The following TPST2 variants were observed in gnomAD, a reference collection of about 807,000 sequenced individuals.
The protein encoded by TPST2 is protein-tyrosine sulfotransferase 2.
Under a neutral mutation model 27.8 loss-of-function variants are expected in TPST2, and 16 were observed. That is an observed-to-expected ratio of 0.58 (90% confidence interval 0.39 to 0.88). The LOEUF (loss-of-function observed/expected upper bound fraction) is 0.88, where lower values mean the gene tolerates loss of function less well. Ranked by LOEUF, TPST2 falls within the 40% of genes least tolerant of loss-of-function variation. TPST2 has a pLI of 0.00. For missense variants in TPST2, 464 were observed against 543.1 expected (o/e 0.85, Z 1.45); for synonymous variants, 229 against 231.7 (o/e 0.99, Z 0.10).
chr22:26,579,138 G>A (rs1223617856), intron 1 of TPST2, among the ~76,000 whole-genome samples: 1 of 152,200 alleles, frequency 6.6e-6, no homozygotes. Context: ...TTATGGGTGT[G>A]AGCCACTGTG....
chr22:26,541,293 C>T lies in TPST2; in HGVS notation c.338G>A (p.Trp113Ter). The T allele has an allele frequency of 6.5e-7, 1 of 1,541,450 alleles. No homozygotes were observed. Among genetic ancestry groups the T allele is most frequent in the Non-Finnish European group, 8.8e-7 (1 of 1,142,484 alleles). ...CAGCTTCTCACGGCCAGACTTGGAC[C>T]AGGCCTGGCGCATGGCCAGCACGCG... is the stretch of plus-strand genomic sequence containing the variant. ...IPRVLAMRQAWSKSGREKLRL... is the reference protein window; with the variant it reads ...IPRVLAMRQA The change falls in exon 3 of 7, where the codon TGG becomes TAG. Residue 113 changes from tryptophan to a stop codon, truncating the protein, a stop_gained. Coordinates refer to ENST00000338754, the MANE Select transcript of TPST2 (RefSeq NM_003595.5). LOFTEE classifies it high-confidence loss of function. The surrounding 1 kb of genome is among the most constrained non-coding windows in gnomAD (Gnocchi z 5.9).
intron 4 of TPST2, among the ~76,000 whole-genome samples, 158 bp from the exon 5 acceptor site, chr22:26,532,903 T>C (rs992416451): frequency 1.3e-5 from 2 of 152,216 alleles, no homozygotes; most frequent in Admixed American, 1.3e-4. Flanking sequence ...CTAGGCATTA[T>C]TCTAAGCATT....
At chr22:26,577,136 G>A (rs1462489498) in intron 1 of TPST2, among the ~76,000 whole-genome samples, 2 of 150,992 alleles carry the variant, frequency 1.3e-5, no homozygotes, top group Admixed American at 6.6e-5. Context: ...AGCCAAGCGT[G>A]GTGGTGCATA....
intron 1 of TPST2, among the ~76,000 whole-genome samples, chr22:26,582,705 G>A (rs1466333940): frequency 2.6e-5 from 4 of 152,176 alleles, no homozygotes; most frequent in Non-Finnish European, 2.9e-5. Flanking sequence ...ACGTCACTCA[G>A]TGGCTATCCG....
chr22:26,532,864 C>A, intron 4 of TPST2, 119 bp from the exon 5 acceptor site: 2 of 839,068 alleles, frequency 2.4e-6, no homozygotes. Flanking sequence ...TCCCTCCATC[C>A]AACAAACATT....
chr22:26,545,825 A>T (rs1253698736), intron 1 of TPST2, among the ~76,000 whole-genome samples: 4 of 152,224 alleles, frequency 2.6e-5, no homozygotes, highest in Non-Finnish European at 5.9e-5. Flanking sequence ...CACGCCTGTG[A>T]TCCCAGCACT....
At chr22:26,549,596 G>C (rs1926338881) in intron 1 of TPST2, among the ~76,000 whole-genome samples, 1 of 140,804 alleles carries the variant, frequency 7.1e-6, no homozygotes, top group African/African-American at 2.7e-5. Flanking sequence ...GGCAGAGGTT[G>C]CAGTGAGCCG....
chr22:26,588,932 T>C (rs960067992), intron 1 of TPST2, among the ~76,000 whole-genome samples: 1 of 151,858 alleles, frequency 6.6e-6, no homozygotes, highest in Non-Finnish European at 1.5e-5. Context: ...TGTTGGGAAG[T>C]GAGAAAAAGG....
At chr22:26,531,515 C>T (rs1457924636) in intron 5 of TPST2, among the ~76,000 whole-genome samples, 1 of 152,208 alleles carries the variant, frequency 6.6e-6, no homozygotes, top group Non-Finnish European at 1.5e-5. Flanking sequence ...GCCACACTCC[C>T]CACTTTCAGG....
At chr22:26,544,529 C>T in intron 2 of TPST2, 75 bp downstream of exon 2, 2 of 833,066 alleles carry the variant, frequency 2.4e-6, no homozygotes, top group Non-Finnish European at 2.9e-6. Flanking sequence ...AGGCTGGGGG[C>T]ATGGAGGGGA....
rs199612116 is a variant in TPST2 at position 26,536,431 on chromosome 22, T to G, written c.898A>C (p.Lys300Gln). ...IKPVNLEALS[K>Q]WTGHIPGDVV... ...TCCCCAGGGATGTGGCCAGTCCACT[T>G]GGAGAGCGCTTCCAGGTTAACAGGC... The change falls in exon 4 of 7, where the codon AAG (lysine) becomes CAG (glutamine). Residue 300 changes from lysine to glutamine, a missense_variant. By Grantham distance (53) the Lys-to-Gln change is moderately conservative. Coordinates refer to ENST00000338754, the MANE Select transcript of TPST2 (RefSeq NM_003595.5). The G allele has an allele frequency of 2.1e-4, 329 of 1,567,150 alleles. No individual in the cohort carries two copies. Among genetic ancestry groups the G allele is most frequent in the Non-Finnish European group, 2.7e-4 (312 of 1,155,196 alleles).
At chr22:26,579,378 C>T (rs1927995598) in intron 1 of TPST2, among the ~76,000 whole-genome samples, 1 of 152,232 alleles carries the variant, frequency 6.6e-6, no homozygotes, top group South Asian at 2.1e-4. Flanking sequence ...CATCTGCCGT[C>T]CTGCTGCTAG....
At chr22:26,526,936 G>A (rs1924876613) in intron 6 of TPST2, among the ~76,000 whole-genome samples, 2 of 152,196 alleles carry the variant, frequency 1.3e-5, no homozygotes, top group South Asian at 4.1e-4. Context: ...AAATTAGCTG[G>A]GTGTGGTAGC....
intron 2 of TPST2, among the ~76,000 whole-genome samples, chr22:26,542,484 A>G (rs1925919483): frequency 6.6e-6 from 1 of 152,172 alleles, no homozygotes; most frequent in Non-Finnish European, 1.5e-5. Context: ...GCCCAAGAAT[A>G]TTAGTGATTT....
chr22:26,585,932 A>T (rs950550269), intron 1 of TPST2, among the ~76,000 whole-genome samples: 1 of 152,016 alleles, frequency 6.6e-6, no homozygotes, highest in Non-Finnish European at 1.5e-5. Flanking sequence ...AGTTCCAGCT[A>T]CTCGGGAGGC....
chr22:26,551,727 A>G (rs1235703431), intron 1 of TPST2, among the ~76,000 whole-genome samples: 1 of 152,066 alleles, frequency 6.6e-6, no homozygotes, highest in South Asian at 2.1e-4. Context: ...TCCTGGGTCA[A>G]TCTTGGGCAG....
At chr22:26,583,930 C>T (rs547308784) in intron 1 of TPST2, among the ~76,000 whole-genome samples, 2 of 152,336 alleles carry the variant, frequency 1.3e-5, no homozygotes, top group African/African-American at 4.8e-5. Flanking sequence ...CCTGAAAAGC[C>T]GCACTTACGT....
chr22:26,527,426 C>T (rs940051852), intron 6 of TPST2, among the ~76,000 whole-genome samples: 3 of 152,134 alleles, frequency 2.0e-5, no homozygotes, highest in African/African-American at 7.2e-5. Flanking sequence ...TCATGGCCAA[C>T]CTCAGAGGTG....
intron 1 of TPST2, among the ~76,000 whole-genome samples, chr22:26,558,586 C>T (rs1331019018): frequency 6.6e-6 from 1 of 152,198 alleles, no homozygotes; most frequent in African/African-American, 2.4e-5. Flanking sequence ...ACTGGCTGGA[C>T]AGACAAATCA....
Sources: gnomAD v4.1 joint callset for allele counts (sites outside exome capture counted in the v4.1 genomes callset) on GRCh38, gnomAD v4.1.1 for gene constraint, Gnocchi (gnomAD v3.1) non-coding constraint, MANE v1.5 for transcripts, NCBI Gene and HGNC (gene_info 2026-07-23, HGNC 2026-07-21) for gene names.